The following MSI2 variants were observed in gnomAD, a reference collection of about 807,000 sequenced individuals.
MSI2 encodes musashi RNA binding protein 2, also known as RNA-binding protein Musashi homolog 2.
In MSI2, 17 loss-of-function variants were observed where a neutral mutation model predicts 45.6. That is an observed-to-expected ratio of 0.37 (90% CI 0.26 to 0.56). The LOEUF (loss-of-function observed/expected upper bound fraction) is 0.56. MSI2 is among the 20% of genes least tolerant of loss of function. The probability of loss-of-function intolerance (pLI) is 0.77; values close to 1 mark genes in which losing one functional copy is unlikely to be tolerated. For missense variants in MSI2, 293 were observed against 444.2 expected, an observed-to-expected ratio of 0.66 and a Z score of 3.06; for synonymous variants, 156 against 158.2, an observed-to-expected ratio of 0.99 and a Z score of 0.11.
Position 57,681,874 on chromosome 17 carries a change from C to T in MSI2, c.*2357C>T, listed in dbSNP as rs764345396. The T allele has an allele frequency of 2.0e-5, 4 of 200,520 alleles. No homozygotes were observed. Among genetic ancestry groups the T allele is most frequent in the South Asian group, 1.9e-4 (1 of 5,186 alleles). The allele number at this position is 200,520 out of a possible 1,614,324, so 12.4% of individuals were successfully genotyped here. A position where few individuals can be genotyped will look rare whatever the true frequency, so the allele number is the denominator to read the frequency against. ...AATTCCCAGAAATTCAGTGTTTAGA[C>T]GAGGGAATTTAATTCCTATTTTGTC... is the stretch of plus-strand genomic sequence containing the variant. On this transcript the variant is annotated 3_prime_UTR_variant, in exon 14 of 14. Transcript: ENST00000284073.
chr17:57,499,226 A>G (rs2086045935), intron 6 of MSI2, among the ~76,000 whole-genome samples: 1 of 151,840 alleles, frequency 6.6e-6, no homozygotes, highest in Non-Finnish European at 1.5e-5. Context: ...AAATACAAAA[A>G]TTAGCCAGGT....
intron 6 of MSI2, among the ~76,000 whole-genome samples, chr17:57,404,008 C>T (rs907774055): frequency 6.6e-6 from 1 of 152,222 alleles, no homozygotes; most frequent in African/African-American, 2.4e-5. Context: ...CCCCTGTGCA[C>T]ACACATTTCT....
intron 5 of MSI2, among the ~76,000 whole-genome samples, chr17:57,388,928 A>G (rs2083733123): frequency 6.6e-6 from 1 of 150,960 alleles, no homozygotes; most frequent in Non-Finnish European, 1.5e-5. Flanking sequence ...TGCTGAGATG[A>G]CAGGCGTGAG....
chr17:57,533,921 G>A (rs756351951), intron 7 of MSI2, among the ~76,000 whole-genome samples: 2 of 152,250 alleles, frequency 1.3e-5, no homozygotes, highest in Non-Finnish European at 2.9e-5. Flanking sequence ...TGGGAAGGAG[G>A]TCCTTCATTC....
intron 9 of MSI2, among the ~76,000 whole-genome samples, chr17:57,617,159 T>C (rs1470374587): frequency 6.6e-6 from 1 of 152,244 alleles, no homozygotes; most frequent in Non-Finnish European, 1.5e-5. Flanking sequence ...GGTAAAACTA[T>C]TTTGAGGAAC....
At chr17:57,607,084 A>G (rs900080895) in intron 8 of MSI2, among the ~76,000 whole-genome samples, 1 of 152,196 alleles carries the variant, frequency 6.6e-6, no homozygotes, top group African/African-American at 2.4e-5. Flanking sequence ...GCTCCATGCA[A>G]TGAGGGAGTT....
chr17:57,492,916 G>A (rs913860723), intron 6 of MSI2, among the ~76,000 whole-genome samples: 4 of 152,122 alleles, frequency 2.6e-5, no homozygotes, highest in Non-Finnish European at 5.9e-5. Flanking sequence ...AGTCTTTTGT[G>A]GAATATCTTT....
chr17:57,586,008 G>A (rs535604031), intron 7 of MSI2, among the ~76,000 whole-genome samples: 14 of 152,358 alleles, frequency 9.2e-5, no homozygotes, highest in Admixed American at 2.0e-4. Flanking sequence ...TTACCACTGC[G>A]TCCCAGAGTT....
At chr17:57,468,303 G>T (rs898927272) in intron 6 of MSI2, among the ~76,000 whole-genome samples, 5 of 151,582 alleles carry the variant, frequency 3.3e-5, no homozygotes, top group African/African-American at 1.2e-4. Flanking sequence ...GAGACGGGCA[G>T]ATCACGAGGT....
intron 7 of MSI2, among the ~76,000 whole-genome samples, chr17:57,573,278 G>A (rs2087926436): frequency 6.6e-6 from 1 of 152,210 alleles, no homozygotes; most frequent in South Asian, 2.1e-4. Flanking sequence ...TGTAATAATA[G>A]TATTAATGAC....
intron 5 of MSI2, among the ~76,000 whole-genome samples, chr17:57,292,720 G>A (rs1422837639): frequency 1.3e-5 from 2 of 152,176 alleles, no homozygotes; most frequent in African/African-American, 2.4e-5. Context: ...GGGAGCGAGC[G>A]AGTCATTTCA....
rs180676888 is a variant in MSI2 at position 57,632,655 on chromosome 17, T to G, written c.727+5352T>G. 105 of 1,066,124 alleles carry G rather than the reference T, an allele frequency of 9.8e-5. 1 individual carries two copies. The African/African-American group carries it at 1.5e-3, about 15-fold the overall frequency. The allele number at this position is 1,066,124 out of a possible 1,614,324, so 66.0% of individuals were successfully genotyped here. A position where few individuals can be genotyped will look rare whatever the true frequency, so the allele number is the denominator to read the frequency against. On this transcript the variant is annotated intron_variant, in intron 10 of 13. Transcript: ENST00000284073. ...CTCCTGCCCATCACCCTTAGAAGGA[T>G]CTTTTCCCATGGCTTGACTTCCTTC...
chr17:57,395,820 G>C (rs2083877678), intron 5 of MSI2, among the ~76,000 whole-genome samples: 1 of 152,210 alleles, frequency 6.6e-6, no homozygotes, highest in South Asian at 2.1e-4. Flanking sequence ...TGGACAGGAT[G>C]GGGTAATAGA....
chr17:57,512,522 G>C (rs2086376458), intron 6 of MSI2, among the ~76,000 whole-genome samples: 1 of 152,212 alleles, frequency 6.6e-6, no homozygotes, highest in African/African-American at 2.4e-5. Context: ...CACTGGAATA[G>C]AGGTTGGCCT....
intron 6 of MSI2, among the ~76,000 whole-genome samples, chr17:57,470,781 G>T (rs1598305834): frequency 6.6e-6 from 1 of 152,182 alleles, no homozygotes; most frequent in South Asian, 2.1e-4. Flanking sequence ...TGAAGAAGGC[G>T]GACCCTGAAG....
At chr17:57,405,023 G>A (rs143658227) in intron 6 of MSI2, among the ~76,000 whole-genome samples, 3 of 152,054 alleles carry the variant, frequency 2.0e-5, no homozygotes, top group Non-Finnish European at 4.4e-5. Flanking sequence ...CTACCCAGGG[G>A]TGAAGATGGC....
At chr17:57,507,047 G>A (rs1036133218) in intron 6 of MSI2, among the ~76,000 whole-genome samples, 34 of 152,030 alleles carry the variant, frequency 2.2e-4, no homozygotes, top group African/African-American at 7.5e-4. Context: ...TCCTAGTGTT[G>A]AATCCATAAT....
chr17:57,688,102 T>G (rs1913917346), downstream of MSI2, among the ~76,000 whole-genome samples: 1 of 152,106 alleles, frequency 6.6e-6, no homozygotes, highest in African/African-American at 2.4e-5. Flanking sequence ...TTATTCTAAA[T>G]TGTGAAACAC....
At position 57,620,052 on chromosome 17, in the gene MSI2, C is replaced by G. The variant is rs536138730; in HGVS notation, c.652+3968C>G. ...CACAGAGGCACTAGTCTTCTTCTAACCAAGTAGAGAACCCTTTGGATGGAA... is the reference window on the plus strand; with the variant it reads ...CACAGAGGCACTAGTCTTCTTCTAAGCAAGTAGAGAACCCTTTGGATGGAA... On this transcript the variant is annotated intron_variant, in intron 9 of 13. Transcript: ENST00000284073. Among the ~76,000 whole-genome samples the G allele has an allele frequency of 3.9e-5, 6 of 152,278 alleles. No individual in the cohort carries two copies. The South Asian group carries it at 1.2e-3, about 32-fold the overall frequency.
Sources: allele counts gnomAD v4.1 joint callset (sites outside exome capture counted in the v4.1 genomes callset), GRCh38; gene constraint gnomAD v4.1.1; transcripts MANE v1.5; gene names NCBI Gene and HGNC (gene_info 2026-07-23, HGNC 2026-07-21).